DLGAP2: variants seen among roughly 807,000 people sequenced by gnomAD.
DLGAP2 encodes the protein disks large-associated protein 2.
A neutral mutation model predicts 100.3 loss-of-function variants in DLGAP2; 26 were observed. The observed-to-expected ratio is 0.26, with a 90% CI of 0.19 to 0.36. DLGAP2 has a LOEUF of 0.36. Among genes scored for constraint, DLGAP2 ranks in the 10% least tolerant of loss-of-function variants. DLGAP2 has a pLI of 1.00. For missense variants in DLGAP2, 1,858 were observed against 1,453.2 expected (o/e 1.28, Z -4.53); for synonymous variants, 886 against 630.1 (o/e 1.41, Z -6.08).
At chr8:852,296 G>A (rs1452510597) in intron 1 of DLGAP2, among the ~76,000 whole-genome samples, 1 of 152,148 alleles carries the variant, frequency 6.6e-6, no homozygotes. Flanking sequence ...CAGGCCTGGG[G>A]CTCTGCCTCC....
intron 1 of DLGAP2, among the ~76,000 whole-genome samples, chr8:849,258 G>A (rs1188242281): frequency 4.6e-5 from 7 of 152,154 alleles, no homozygotes; most frequent in Non-Finnish European, 1.5e-5. Flanking sequence ...GGTGCACGTT[G>A]CAGCATAGGA....
Position 1,633,011 on chromosome 8 carries a change from C to A in DLGAP2, c.1775C>A (p.Pro592His). 2 of 1,613,964 alleles carry A rather than the reference C, an allele frequency of 1.2e-6. No homozygotes were observed. Among genetic ancestry groups the A allele is most frequent in the Non-Finnish European group, 1.7e-6 (2 of 1,179,898 alleles). The change falls in exon 8 of 15, where the codon CCC becomes CAC. Residue 592 changes from proline (P) to histidine (H), a missense_variant. By Grantham distance (77) the Pro-to-His change is moderately conservative. Transcript: ENST00000637795. The stretch of plus-strand genomic sequence containing the variant: ...GACGAATGTATTCCCATGATGACAC[C>A]CTCTGACATCACCTCCACCATCAGG... ...QDDECIPMMTPSDITSTIRST... is the reference protein window; with the variant it reads ...QDDECIPMMTHSDITSTIRST...
chr8:810,984 C>G (rs1257410484), intron 1 of DLGAP2, among the ~76,000 whole-genome samples: 3 of 152,056 alleles, frequency 2.0e-5, no homozygotes, highest in African/African-American at 4.8e-5. Flanking sequence ...GCGGGGTGAA[C>G]TTGAGGCTGT....
chr8:1,332,057 C>T (rs1029567072), intron 3 of DLGAP2, among the ~76,000 whole-genome samples: 17 of 152,202 alleles, frequency 1.1e-4, no homozygotes, highest in Admixed American at 9.2e-4. Context: ...GGGGTGCAGC[C>T]CTCTGTGAGG....
chr8:1,687,029 G>A (rs968582590), intron 12 of DLGAP2, among the ~76,000 whole-genome samples: 1 of 152,022 alleles, frequency 6.6e-6, no homozygotes, highest in East Asian at 1.9e-4. Context: ...ACACAGAAAC[G>A]TGCTCAAAAA....
chr8:1,002,946 G>T (rs941663570), intron 2 of DLGAP2: 1 of 152,236 alleles, frequency 6.6e-6, no homozygotes, highest in Admixed American at 6.5e-5. Flanking sequence ...AGAAGTGTCT[G>T]TGCCTCCTGG....
chr8:1,081,058 GA>G (rs1803791521), intron 2 of DLGAP2, among the ~76,000 whole-genome samples: 1 of 152,124 alleles, frequency 6.6e-6, no homozygotes, highest in Non-Finnish European at 1.5e-5. Flanking sequence ...TTATTGAGGT[GA>G]TGATTATAAA....
intron 2 of DLGAP2, among the ~76,000 whole-genome samples, chr8:1,208,033 G>T (rs1361266270): frequency 1.3e-5 from 2 of 152,136 alleles, no homozygotes; most frequent in Non-Finnish European, 2.9e-5. Flanking sequence ...TTACTCTGCT[G>T]ATTATTTCTT....
At chr8:774,891 C>G (rs1285587792) in intron 1 of DLGAP2, among the ~76,000 whole-genome samples, 3 of 148,216 alleles carry the variant, frequency 2.0e-5, no homozygotes, top group Non-Finnish European at 3.0e-5. Flanking sequence ...TGAAGAAAGG[C>G]ATTGGTAGCT....
intron 2 of DLGAP2, among the ~76,000 whole-genome samples, chr8:1,194,318 C>T (rs1407628568): frequency 6.6e-6 from 1 of 152,104 alleles, no homozygotes; most frequent in African/African-American, 2.4e-5. Context: ...AGTGCCGCGT[C>T]CCGGCTGGTG....
chr8:744,541 G>C (rs984442970), intron 1 of DLGAP2, among the ~76,000 whole-genome samples: 2 of 151,142 alleles, frequency 1.3e-5, no homozygotes, highest in African/African-American at 4.9e-5. Flanking sequence ...GTCACTCCCT[G>C]CCTCTTCTCC....
intron 2 of DLGAP2, among the ~76,000 whole-genome samples, chr8:1,121,401 C>A (rs73670648): frequency 1.8e-4 from 28 of 151,786 alleles, no homozygotes; most frequent in African/African-American, 6.3e-4. Context: ...CCTGACCACC[C>A]ATCCTCTTCC....
chr8:986,281 G>C (rs1298246859), intron 2 of DLGAP2, among the ~76,000 whole-genome samples: 2 of 152,036 alleles, frequency 1.3e-5, no homozygotes, highest in Non-Finnish European at 2.9e-5. Context: ...TTCTGTGCCG[G>C]GTTTCCTTTA....
chr8:960,886 T>G lies in DLGAP2; in HGVS notation c.73+52920T>G, dbSNP rs138672834. Among the ~76,000 whole-genome samples the G allele has an allele frequency of 8.9e-4, 135 of 152,368 alleles. 1 individual carries two copies. The highest frequency in any genetic ancestry group is 3.2e-3 in the African/African-American group (134 of 41,580). ...TGGGGTTATGTCCCAATAAACTGAT[T>G]GTAAACTCAAAAATTGTAAGTTGAA... On this transcript the variant is annotated intron_variant, in intron 2 of 14. Coordinates refer to ENST00000637795, the MANE Select transcript of DLGAP2 (RefSeq NM_001346810.2).
intron 8 of DLGAP2, among the ~76,000 whole-genome samples, chr8:1,639,467 C>T (rs572190534): frequency 6.6e-6 from 1 of 152,318 alleles, no homozygotes; most frequent in South Asian, 2.1e-4. Context: ...CCTGTGCCAC[C>T]CCCGACCCAG....
At chr8:901,997 T>A (rs949877022) in intron 1 of DLGAP2, among the ~76,000 whole-genome samples, 1 of 152,104 alleles carries the variant, frequency 6.6e-6, no homozygotes, top group Non-Finnish European at 1.5e-5. Context: ...ACCCCACCTG[T>A]GAGGTTCTGT....
intron 2 of DLGAP2, among the ~76,000 whole-genome samples, chr8:1,218,708 A>C (rs12675057): frequency 6.6e-6 from 1 of 151,908 alleles, no homozygotes; most frequent in African/African-American, 2.4e-5. Context: ...TGAATCTGTA[A>C]ATTGCTTTGA....
At chr8:791,916 C>G (rs1046958070) in intron 1 of DLGAP2, among the ~76,000 whole-genome samples, 4 of 152,174 alleles carry the variant, frequency 2.6e-5, no homozygotes, top group Non-Finnish European at 5.9e-5. Flanking sequence ...GGAGTTAACC[C>G]CTAACGACGT....
intron 1 of DLGAP2, among the ~76,000 whole-genome samples, chr8:889,521 C>G (rs932123625): frequency 6.6e-6 from 1 of 152,128 alleles, no homozygotes. Flanking sequence ...GGGAAGCCAC[C>G]CACTGAGGAA....
Sources: gnomAD v4.1 joint callset for allele counts (sites outside exome capture counted in the v4.1 genomes callset) on GRCh38, gnomAD v4.1.1 for gene constraint, MANE v1.5 for transcripts, NCBI Gene and HGNC (gene_info 2026-07-23, HGNC 2026-07-21) for gene names.